The following NHERF1 variants were observed in gnomAD, a reference collection of about 807,000 sequenced individuals.
NHERF1 encodes Na(+)/H(+) exchange regulatory cofactor NHE-RF1.
the NHERF1 span, chr17:74,768,591 C>A: frequency 6.2e-7 from 1 of 1,614,172 alleles, no homozygotes; most frequent in Non-Finnish European, 8.5e-7. Context: ...CCACCAGAAA[C>A]GCAGCAGCAA....
At chr17:74,767,367 G>A in the NHERF1 span, among the ~76,000 whole-genome samples, 1 of 152,150 alleles carries the variant, frequency 6.6e-6, no homozygotes, top group African/African-American at 2.4e-5. Flanking sequence ...CCCCTTCCCT[G>A]GGCAGAAGGG....
the NHERF1 span, chr17:74,763,339 G>GT: frequency 1.9e-6 from 3 of 1,603,368 alleles, no homozygotes; most frequent in South Asian, 2.2e-5. Flanking sequence ...GCCTGTGTCC[G>GT]TAACGCCTCC....
the NHERF1 span, chr17:74,763,564 C>G: frequency 6.5e-7 from 1 of 1,549,838 alleles, no homozygotes; most frequent in Non-Finnish European, 8.7e-7. Flanking sequence ...CTGGAGCCCC[C>G]CAAGTCAGGG....
At chr17:74,762,083 C>T in the NHERF1 span, 2 of 1,614,142 alleles carry the variant, frequency 1.2e-6, no homozygotes, top group Non-Finnish European at 1.7e-6. This position sits in a 1 kb window ranked among gnomAD's most constrained non-coding sequence, Gnocchi z 4.2. Flanking sequence ...TGCACAGCGA[C>T]AAGTCCAAGC....
the NHERF1 span, among the ~76,000 whole-genome samples, chr17:74,749,591 G>A: frequency 6.6e-6 from 1 of 152,188 alleles, no homozygotes; most frequent in East Asian, 1.9e-4. This position sits in a 1 kb window ranked among gnomAD's most constrained non-coding sequence, Gnocchi z 5.6. Flanking sequence ...CCTTCCCTCG[G>A]GTCTGTGGGT....
the NHERF1 span, among the ~76,000 whole-genome samples, chr17:74,755,898 A>G: frequency 6.6e-6 from 1 of 152,070 alleles, no homozygotes; most frequent in Non-Finnish European, 1.5e-5. Context: ...ACACATTGAA[A>G]TGATAATATT....
the NHERF1 span, among the ~76,000 whole-genome samples, chr17:74,754,113 G>A: frequency 1.7e-4 from 26 of 151,886 alleles, no homozygotes; most frequent in Middle Eastern, 3.2e-3. Context: ...TCAGTGAGCC[G>A]AGATCGCGCC....
the NHERF1 span, chr17:74,763,503 C>A: frequency 6.3e-7 from 1 of 1,599,148 alleles, no homozygotes; most frequent in South Asian, 1.1e-5. Flanking sequence ...GTGATCCCAT[C>A]TCAGGAGCAC....
the NHERF1 span, among the ~76,000 whole-genome samples, chr17:74,754,384 TTTCTTTCTTTCTTTC>T: frequency 7.0e-6 from 1 of 143,024 alleles, no homozygotes; most frequent in African/African-American, 2.6e-5. Context: ...TCTTTCTTTC[TTTCTTTCTTTCTTTC>T]TTTTTTTTTT....
chr17:74,749,275 C>T, the NHERF1 span: 19 of 1,528,874 alleles, frequency 1.2e-5, no homozygotes, highest in Non-Finnish European at 1.5e-5. The surrounding 1 kb of genome is among the most constrained non-coding windows in gnomAD (Gnocchi z 5.6). Context: ...CCGACAAGAG[C>T]CACCCGGAGC....
the NHERF1 span, among the ~76,000 whole-genome samples, chr17:74,755,741 A>C: frequency 1.3e-5 from 2 of 152,172 alleles, no homozygotes; most frequent in Non-Finnish European, 2.9e-5. Context: ...CTGTCCGGGC[A>C]GCAGCCACCA....
chr17:74,752,189 C>G, the NHERF1 span, among the ~76,000 whole-genome samples: 1 of 152,238 alleles, frequency 6.6e-6, no homozygotes, highest in Admixed American at 6.5e-5. Context: ...AATCCCAGCA[C>G]TTTGGGAGGC....
chr17:74,763,622 G>C, the NHERF1 span: 1 of 1,235,786 alleles, frequency 8.1e-7, no homozygotes, highest in Non-Finnish European at 1.1e-6. Flanking sequence ...GGGGTGGGCA[G>C]CTTCCCGGCA....
At chr17:74,762,203 C>G in the NHERF1 span, 1 of 1,611,706 alleles carries the variant, frequency 6.2e-7, no homozygotes, top group South Asian at 1.1e-5. This position sits in a 1 kb window ranked among gnomAD's most constrained non-coding sequence, Gnocchi z 4.2. Flanking sequence ...TCCTATCTGA[C>G]TGCCCCCACC....
chr17:74,766,808 T>C, the NHERF1 span: 1 of 902,678 alleles, frequency 1.1e-6, no homozygotes, highest in Non-Finnish European at 1.9e-6. Context: ...TGGGTGGTAG[T>C]CAAAAAAGTT....
chr17:74,749,306 G>A, the NHERF1 span: 2 of 1,523,532 alleles, frequency 1.3e-6, no homozygotes, highest in South Asian at 1.2e-5. The surrounding 1 kb of genome is among the most constrained non-coding windows in gnomAD (Gnocchi z 5.6). Flanking sequence ...GGCCCAAGCC[G>A]CGCAGGCTGG....
chr17:74,768,191 C>T, the NHERF1 span: 1 of 1,613,688 alleles, frequency 6.2e-7, no homozygotes, highest in Admixed American at 1.7e-5. Context: ...TGGAGAGCCC[C>T]AGGCCAGCCC....
the NHERF1 span, chr17:74,766,913 C>A: frequency 6.2e-6 from 10 of 1,613,744 alleles, no homozygotes; most frequent in Non-Finnish European, 8.5e-6. Context: ...TCTGGACTCA[C>A]CTCTGCTCTG....
the NHERF1 span, chr17:74,768,983 C>A: frequency 2.5e-6 from 1 of 399,546 alleles, no homozygotes; most frequent in African/African-American, 2.0e-5. Flanking sequence ...AGAGGGCACC[C>A]TCCCTTCCTC....
Sources: gnomAD v4.1 joint callset for allele counts (sites outside exome capture counted in the v4.1 genomes callset) on GRCh38, gnomAD v4.1.1 for gene constraint, Gnocchi (gnomAD v3.1) non-coding constraint, MANE v1.5 for transcripts, NCBI Gene and HGNC (gene_info 2026-07-23, HGNC 2026-07-21) for gene names.